The following KIAA1549L variants were observed in gnomAD, a reference collection of about 807,000 sequenced individuals.
KIAA1549L encodes UPF0606 protein KIAA1549L.
KIAA1549L carries 88 observed loss-of-function variants against 160.7 expected under a neutral mutation model. That is an observed-to-expected ratio of 0.55 (90% CI 0.46 to 0.65). The LOEUF is 0.65. Ranked by LOEUF, KIAA1549L falls within the 30% of genes least tolerant of loss-of-function variation. The probability of loss-of-function intolerance (pLI) is 0.00; values close to 1 mark genes in which losing one functional copy is unlikely to be tolerated. For synonymous variants in KIAA1549L, 950 were observed against 976.7 expected (o/e 0.97, Z 0.51); for missense variants, 2,258 against 2,437.5 (o/e 0.93, Z 1.55).
At chr11:33,597,623 G>A (rs1397213348) in intron 12 of KIAA1549L, among the ~76,000 whole-genome samples, 1 of 152,180 alleles carries the variant, frequency 6.6e-6, no homozygotes, top group African/African-American at 2.4e-5. Flanking sequence ...ATGCTCAGCC[G>A]GACCCACGGG....
At chr11:33,483,244 GGA>G (rs1852450349) in intron 1 of KIAA1549L, among the ~76,000 whole-genome samples, 1 of 152,094 alleles carries the variant, frequency 6.6e-6, no homozygotes, top group Admixed American at 6.6e-5. Flanking sequence ...TAAATGATTT[GGA>G]GAAATTCTCC....
chr11:33,463,589 A>G (rs1281675025), intron 1 of KIAA1549L, among the ~76,000 whole-genome samples: 1 of 152,214 alleles, frequency 6.6e-6, no homozygotes, highest in Admixed American at 6.5e-5. Context: ...ACTACTGAAA[A>G]AGTGGCTTGA....
chr11:33,660,117 G>C (rs561254236), intron 19 of KIAA1549L, among the ~76,000 whole-genome samples: 4 of 152,346 alleles, frequency 2.6e-5, no homozygotes, highest in Admixed American at 1.3e-4. Context: ...GCTGCATTTG[G>C]TGAAGTTGGA....
At chr11:33,439,116 A>G (rs1159563331) in intron 1 of KIAA1549L, among the ~76,000 whole-genome samples, 1 of 151,984 alleles carries the variant, frequency 6.6e-6, no homozygotes, top group Non-Finnish European at 1.5e-5. Flanking sequence ...TTTAGTGGAG[A>G]TGGGAATTTA....
chr11:33,446,305 G>A (rs926070350), intron 1 of KIAA1549L, among the ~76,000 whole-genome samples: 36 of 152,134 alleles, frequency 2.4e-4, no homozygotes, highest in Non-Finnish European at 2.4e-4. Context: ...ATGTTGGCCA[G>A]GCTGGCCTTG....
intron 1 of KIAA1549L, among the ~76,000 whole-genome samples, chr11:33,533,375 A>G (rs1853820565): frequency 6.6e-6 from 1 of 152,182 alleles, no homozygotes; most frequent in African/African-American, 2.4e-5. Context: ...TTTTGACATT[A>G]GTCAATAACA....
intron 12 of KIAA1549L, among the ~76,000 whole-genome samples, chr11:33,598,422 T>A (rs1318235956): frequency 2.0e-5 from 3 of 152,200 alleles, no homozygotes; most frequent in African/African-American, 7.2e-5. Context: ...CCACGTGTGA[T>A]ACATGTCCCT....
At position 33,503,276 on chromosome 11, in the gene KIAA1549L, T is replaced by A. The variant is rs113382193; in HGVS notation, c.239-38526T>A. Among the ~76,000 whole-genome samples, 195 of 152,376 alleles carry A rather than the reference T, an allele frequency of 1.3e-3. 4 individuals are homozygous for A. The highest frequency in any genetic ancestry group is 4.5e-3 in the African/African-American group (188 of 41,598). On this transcript the variant is annotated intron_variant, in intron 1 of 20. Transcript: ENST00000658780. The stretch of plus-strand genomic sequence containing the variant: ...ATGTTGGCATGTGTATTTGTGATTC[T>A]TTCATCCGAATCATTGTATACTATT...
chr11:33,578,838 C>T (rs1430291226), intron 10 of KIAA1549L, among the ~76,000 whole-genome samples: 3 of 152,220 alleles, frequency 2.0e-5, no homozygotes, highest in Non-Finnish European at 4.4e-5. Flanking sequence ...TCCCATTGCC[C>T]TCCTCACATT....
chr11:33,401,728 AT>A (rs999699494), intron 1 of KIAA1549L, among the ~76,000 whole-genome samples: 1 of 152,128 alleles, frequency 6.6e-6, no homozygotes, highest in African/African-American at 2.4e-5. Context: ...TGCCCAGCTA[AT>A]TTTTTGTAGA....
chr11:33,544,640 T>C, intron 2 of KIAA1549L, 127 bp from the exon 3 acceptor site: 2 of 1,249,846 alleles, frequency 1.6e-6, no homozygotes, highest in South Asian at 3.2e-5. Flanking sequence ...CTAAGTTCTG[T>C]CCACTGCAAG....
At chr11:33,415,264 C>T (rs973350109) in intron 1 of KIAA1549L, among the ~76,000 whole-genome samples, 1 of 152,082 alleles carries the variant, frequency 6.6e-6, no homozygotes, top group Non-Finnish European at 1.5e-5. Context: ...GTTTTGGGCA[C>T]GGTATTTGAC....
Position 33,542,448 on chromosome 11 carries a change from T to C in KIAA1549L, c.885T>C (p.Ser295=). The C allele has an allele frequency of 6.2e-7, 1 of 1,605,976 alleles. No individual in the cohort carries two copies. The highest frequency in any genetic ancestry group is 8.5e-7 in the Non-Finnish European group (1 of 1,175,838). Residue 295 remains serine (S), a synonymous_variant, in exon 2 of 21, where the codon TCT becomes TCC. Transcript: ENST00000658780. ...QNIANPLIPF[S]DEMDHTASQN... is the part of the protein sequence containing the mutation. ...TAGCTAATCCCTTAATCCCATTTTC[T>C]GATGAAATGGACCACACTGCATCCC...
chr11:33,398,514 G>T (rs930492751), intron 1 of KIAA1549L, among the ~76,000 whole-genome samples: 2 of 152,172 alleles, frequency 1.3e-5, no homozygotes, highest in African/African-American at 4.8e-5. Context: ...GATGGCATGA[G>T]CTATAGTAAA....
intron 1 of KIAA1549L, among the ~76,000 whole-genome samples, chr11:33,440,547 C>G (rs1851480724): frequency 6.6e-6 from 1 of 152,212 alleles, no homozygotes; most frequent in Non-Finnish European, 1.5e-5. Context: ...TCTTTTCCCT[C>G]ATTTTATACA....
chr11:33,431,283 G>A (rs557072674), intron 1 of KIAA1549L, among the ~76,000 whole-genome samples: 1 of 152,142 alleles, frequency 6.6e-6, no homozygotes, highest in African/African-American at 2.4e-5. Flanking sequence ...AAGGGGACCC[G>A]AGCGGATTGC....
At chr11:33,620,321 A>G (rs1237739323) in intron 16 of KIAA1549L, among the ~76,000 whole-genome samples, 1 of 152,230 alleles carries the variant, frequency 6.6e-6, no homozygotes, top group Non-Finnish European at 1.5e-5. Context: ...GACTTCTTTA[A>G]AATAGATACT....
intron 7 of KIAA1549L, among the ~76,000 whole-genome samples, chr11:33,561,293 C>T (rs982849982): frequency 5.3e-5 from 8 of 152,122 alleles, no homozygotes; most frequent in African/African-American, 9.7e-5. Context: ...GATGAAAAAA[C>T]GGAAAGGGCA....
intron 1 of KIAA1549L, among the ~76,000 whole-genome samples, chr11:33,434,443 A>G (rs1479419301): frequency 1.3e-5 from 2 of 152,186 alleles, no homozygotes; most frequent in Non-Finnish European, 2.9e-5. Flanking sequence ...TGTCTTTATT[A>G]GCAGTGTGAG....
Sources: gnomAD v4.1 joint callset for allele counts (sites outside exome capture counted in the v4.1 genomes callset) on GRCh38, gnomAD v4.1.1 for gene constraint, MANE v1.5 for transcripts, NCBI Gene and HGNC (gene_info 2026-07-23, HGNC 2026-07-21) for gene names.